Variants in HRH2 observed in about 807,000 individuals in gnomAD.
The protein encoded by HRH2 is histamine receptor H2, also known as histamine H2 receptor.
HRH2 carries 4 observed loss-of-function variants against 20.1 expected under a neutral mutation model. The ratio of observed to expected loss-of-function variants is 0.20; its 90% CI spans 0.10 to 0.45. The LOEUF (loss-of-function observed/expected upper bound fraction) is 0.45. HRH2 is among the 20% of genes least tolerant of loss of function. The pLI, the probability that HRH2 is intolerant of heterozygous loss-of-function variation, is 0.99. For synonymous variants in HRH2, 197 were observed against 200.7 expected, an observed-to-expected ratio of 0.98 and a Z score of 0.16; for missense variants, 250 against 461.6, an observed-to-expected ratio of 0.54 and a Z score of 4.20.
chr5:175,696,041 C>T (rs1028883686), intron 2 of HRH2, among the ~76,000 whole-genome samples: 1 of 152,272 alleles, frequency 6.6e-6, no homozygotes, highest in Non-Finnish European at 1.5e-5. Flanking sequence ...CTTTGAACCT[C>T]AGTTTCCCCA....
chr5:175,667,470 A>G (rs1762937644), intron 1 of HRH2, among the ~76,000 whole-genome samples: 1 of 131,314 alleles, frequency 7.6e-6, no homozygotes, highest in African/African-American at 2.8e-5. Flanking sequence ...AAAAAAGAAA[A>G]GGAAAAGCCA....
At chr5:175,685,058 A>G (rs541383566) in intron 2 of HRH2, among the ~76,000 whole-genome samples, 1 of 152,102 alleles carries the variant, frequency 6.6e-6, no homozygotes, top group African/African-American at 2.4e-5. Flanking sequence ...AAGAGAGGAA[A>G]GCAAAATCAA....
chr5:175,706,524 G>A (rs566111449), intron 2 of HRH2, among the ~76,000 whole-genome samples: 7 of 152,290 alleles, frequency 4.6e-5, no homozygotes, highest in Admixed American at 1.3e-4. Context: ...TAATTTCACC[G>A]AGTGCAATGA....
intron 1 of HRH2, among the ~76,000 whole-genome samples, chr5:175,659,464 A>T (rs915139210): frequency 3.9e-5 from 6 of 152,078 alleles, no homozygotes; most frequent in African/African-American, 1.4e-4. Flanking sequence ...TATCTCGAGA[A>T]CCTGCTCCTT....
chr5:175,685,967 C>T (rs138212656), intron 2 of HRH2: 1,997 of 156,448 alleles, frequency 0.013, 35 homozygotes, highest in Admixed American at 0.039. Flanking sequence ...GAGTGTCCCT[C>T]CATAGACTTG....
intron 2 of HRH2, among the ~76,000 whole-genome samples, chr5:175,707,341 G>T (rs1005625930): frequency 3.3e-5 from 5 of 152,132 alleles, no homozygotes; most frequent in African/African-American, 1.2e-4. Context: ...GAGGTGGGAG[G>T]ATCCCTTGAG....
intron 2 of HRH2, among the ~76,000 whole-genome samples, chr5:175,692,659 C>G (rs906468918): frequency 1.2e-4 from 18 of 152,220 alleles, no homozygotes; most frequent in African/African-American, 4.1e-4. Flanking sequence ...AGGGCAGGCT[C>G]TGTGGATTTA....
At chr5:175,694,521 G>A (rs1756503021) in intron 2 of HRH2, among the ~76,000 whole-genome samples, 1 of 152,134 alleles carries the variant, frequency 6.6e-6, no homozygotes, top group Non-Finnish European at 1.5e-5. Context: ...CTCTGCTATG[G>A]GCCCCCACCC....
rs965155753 is a variant in HRH2, at chr5:175,668,014, C to T, written c.-526+9859C>T. 3.3e-5 allele frequency among the ~76,000 whole-genome samples: 5 copies of T among 152,328 alleles called. No homozygotes were observed. The East Asian group carries it at 9.6e-4, about 29-fold the overall frequency. On this transcript the variant is annotated intron_variant, in intron 1 of 2. Transcript: ENST00000636584. ...GGGGATGTGGGGTTCATCATTCTCT[C>T]CTCTCTACTGCTGTGTCTCTTTGAA...
chr5:175,702,809 C>T (rs114299026), intron 2 of HRH2, among the ~76,000 whole-genome samples: 2,356 of 150,980 alleles, frequency 0.016, 69 homozygotes, highest in African/African-American at 0.054. Context: ...ACCTCAGATC[C>T]GCCCACCTCG....
chr5:175,682,689 TC>T lies in HRH2; in HGVS notation c.-525-18del, dbSNP rs1756026985. ...CTATCTGGTTTCAAGGTGCTTAACA[TC>T]CAACCTTTGCCTTTTCAGCTCCTGC... On this transcript the variant is annotated intron_variant, in intron 1 of 2. Coordinates refer to ENST00000636584, the MANE Select transcript of HRH2 (RefSeq NM_001367711.1). 1 of 155,384 alleles carries T rather than the reference TC, an allele frequency of 6.4e-6. No homozygotes were observed. Among genetic ancestry groups the T allele is most frequent in the Non-Finnish European group, 1.4e-5 (1 of 69,804 alleles). The allele number at this position is 155,384 out of a possible 1,614,324, so 9.6% of individuals were successfully genotyped here.
intron 1 of HRH2, among the ~76,000 whole-genome samples, chr5:175,675,705 A>G (rs1755733189): frequency 6.6e-6 from 1 of 152,108 alleles, no homozygotes. Context: ...TCTCACTCCT[A>G]AGCATGAGCT....
chr5:175,709,270 C>G lies in HRH2; in HGVS notation c.*1299C>G, dbSNP rs1023730219. 6.6e-6 allele frequency: 1 copy of G among 152,304 alleles called. No homozygotes were observed. Among genetic ancestry groups the G allele is most frequent in the Non-Finnish European group, 1.5e-5 (1 of 68,122 alleles). The allele number at this position is 152,304 out of a possible 1,614,324, so 9.4% of individuals were successfully genotyped here. A position where few individuals can be genotyped will look rare whatever the true frequency, so the allele number is the denominator to read the frequency against. Reference sequence around the variant, plus strand: ...CAACTCATTGTCCTCTACCTGCCATCAGATGTGGCTGTTCCTCAGTCTCAG... The same window carrying G: ...CAACTCATTGTCCTCTACCTGCCATGAGATGTGGCTGTTCCTCAGTCTCAG... On this transcript the variant is annotated 3_prime_UTR_variant, in exon 3 of 3. Transcript: ENST00000636584.
chr5:175,674,034 T>C (rs896838490), intron 1 of HRH2, among the ~76,000 whole-genome samples: 4 of 152,158 alleles, frequency 2.6e-5, no homozygotes, highest in African/African-American at 9.7e-5. Context: ...ATGTGAAAGA[T>C]AAATAAAGCT....
Position 175,682,814 on chromosome 5 carries a change from CAT to C in HRH2, c.-419_-418del, listed in dbSNP as rs1756031555. On this transcript the variant is annotated 5_prime_UTR_variant, in exon 2 of 3. It removes an upstream start codon present in the reference 5' UTR. Transcript: ENST00000636584. ...GGAGAGGGATACAGCTGCGTCTCCA[CAT>C]GACCCATCCTGCATGACACCAAAGC... 1.6e-5 allele frequency: 3 copies of C among 187,536 alleles called. No homozygotes were observed. Among genetic ancestry groups the C allele is most frequent in the African/African-American group, 7.1e-5 (3 of 42,138 alleles). 11.6% of individuals were successfully genotyped at this position (187,536 alleles called of 1,614,324 possible). A position where few individuals can be genotyped will look rare whatever the true frequency, so the allele number is the denominator to read the frequency against.
At position 175,687,272 on chromosome 5, in the gene HRH2, C is replaced by T. The variant is rs569509358; in HGVS notation, c.1076+2963C>T. On this transcript the variant is annotated intron_variant, in intron 2 of 2. Transcript: ENST00000636584. The surrounding 1 kb of genome is among the most constrained non-coding windows in gnomAD (Gnocchi z 5.2). ...GGCGATCAGGGCCTCGTGTGTCCCT[C>T]GATAAGCTCGGCTGCCAGTTTCCCT... Among the ~76,000 whole-genome samples the T allele has an allele frequency of 7.2e-5, 11 of 152,124 alleles. No homozygotes were observed. The highest frequency in any genetic ancestry group is 1.2e-4 in the African/African-American group (5 of 41,442).
intron 1 of HRH2, among the ~76,000 whole-genome samples, chr5:175,674,853 T>A (rs1171818362): frequency 2.0e-5 from 3 of 152,222 alleles, no homozygotes; most frequent in African/African-American, 7.2e-5. Flanking sequence ...TGACCAAATG[T>A]CCTGCCAGGA....
rs76694480 is a variant in HRH2, at chr5:175,693,721, C to G, written c.1076+9412C>G. On this transcript the variant is annotated intron_variant, in intron 2 of 2. Transcript: ENST00000636584. This position sits in a 1 kb window ranked among gnomAD's most constrained non-coding sequence, Gnocchi z 4.4. ...TATTCCCTGAAGTCACAGCTCTGTG[C>G]TCCCTTCCCATCTTGGTCCGGGTGC... 0.013 allele frequency among the ~76,000 whole-genome samples: 2,024 copies of G among 152,352 alleles called. 49 individuals are homozygous for G. Among genetic ancestry groups the G allele is most frequent in the African/African-American group, 0.045 (1,875 of 41,578 alleles).
At position 175,681,407 on chromosome 5, in the gene HRH2, T is replaced by C. The variant is rs560674752; in HGVS notation, c.-525-1302T>C. On this transcript the variant is annotated intron_variant, in intron 1 of 2. Transcript: ENST00000636584. The surrounding 1 kb of genome is among the most constrained non-coding windows in gnomAD (Gnocchi z 4.3). ...AATTTATGTTTTATGGAGATTAGCTTGCTTCTGAGAGGGGGTTCCGCCATC... is the reference window on the plus strand; with the variant it reads ...AATTTATGTTTTATGGAGATTAGCTCGCTTCTGAGAGGGGGTTCCGCCATC... Among the ~76,000 whole-genome samples, 1 of 152,322 alleles carries C rather than the reference T, an allele frequency of 6.6e-6. No individual in the cohort carries two copies. Among genetic ancestry groups the C allele is most frequent in the African/African-American group, 2.4e-5 (1 of 41,570 alleles).
Sources: allele counts gnomAD v4.1 joint callset (sites outside exome capture counted in the v4.1 genomes callset), GRCh38; gene constraint gnomAD v4.1.1; non-coding constraint Gnocchi (gnomAD v3.1); transcripts MANE v1.5; gene names NCBI Gene and HGNC (gene_info 2026-07-23, HGNC 2026-07-21).